The following CAMK2A variants were observed in gnomAD, a reference collection of about 807,000 sequenced individuals.
CAMK2A encodes the protein calcium/calmodulin-dependent protein kinase type II subunit alpha.
In CAMK2A, 7 loss-of-function variants were observed where a neutral mutation model predicts 79.2. The ratio of observed to expected loss-of-function variants is 0.09; its 90% CI spans 0.05 to 0.17. The LOEUF is 0.17. Among genes scored for constraint, CAMK2A ranks in the 10% least tolerant of loss-of-function variants. CAMK2A has a pLI of 1.00. For synonymous variants in CAMK2A, 242 were observed against 251.7 expected (o/e 0.96, Z 0.36); for missense variants, 214 against 646.4 (o/e 0.33, Z 7.25).
At chr5:150,254,141 G>A (rs1438161490) in intron 6 of CAMK2A, among the ~76,000 whole-genome samples, 3 of 152,110 alleles carry the variant, frequency 2.0e-5, no homozygotes, top group Non-Finnish European at 2.9e-5. Flanking sequence ...CCATGGAGGA[G>A]GCCATCCAAG....
In CAMK2A at chr5:150,253,550, G is replaced by C; in HGVS notation, c.412-4C>G. On this transcript the variant is annotated splice_region_variant and splice_polypyrimidine_tract_variant and intron_variant, in intron 6 of 18. Transcript: ENST00000671881. ...AGGCCAGCAACAGATTCTCAGGCTTGTCAGGACCAGAGAAGAGGGAGGAAG... is the reference window on the plus strand; with the variant it reads ...AGGCCAGCAACAGATTCTCAGGCTTCTCAGGACCAGAGAAGAGGGAGGAAG... 6.2e-7 allele frequency: 1 copy of C among 1,612,148 alleles called. No individual in the cohort carries two copies. The highest frequency in any genetic ancestry group is 1.3e-5 in the African/African-American group (1 of 75,032).
At chr5:150,247,850 G>A in intron 11 of CAMK2A, 36 bp from the exon 12 acceptor site, 1 of 1,596,256 alleles carries the variant, frequency 6.3e-7, no homozygotes. Context: ...GGGAGAGGAG[G>A]CCGGAGTGAA....
intron 2 of CAMK2A, among the ~76,000 whole-genome samples, chr5:150,270,812 G>T (rs1756717276): frequency 6.6e-6 from 1 of 152,258 alleles, no homozygotes; most frequent in Non-Finnish European, 1.5e-5. Flanking sequence ...AGGCGGTTTG[G>T]ACAGTGACTG....
intron 13 of CAMK2A, among the ~76,000 whole-genome samples, chr5:150,244,439 G>T (rs148554073): frequency 0.015 from 2,333 of 152,384 alleles, 60 homozygotes; most frequent in African/African-American, 0.053. Context: ...CCAGAAAAAG[G>T]CAGGGTCTCA....
chr5:150,278,770 C>A (rs1031954600), intron 1 of CAMK2A, among the ~76,000 whole-genome samples: 1 of 151,910 alleles, frequency 6.6e-6, no homozygotes, highest in Non-Finnish European at 1.5e-5. Context: ...GTGCAAGGGG[C>A]GGGTGTCTGG....
chr5:150,257,483 G>A, intron 4 of CAMK2A, 80 bp downstream of exon 4: 2 of 1,242,816 alleles, frequency 1.6e-6, no homozygotes, highest in Non-Finnish European at 2.3e-6. Flanking sequence ...AGGGAATTCA[G>A]CCCAAGAGGT....
chr5:150,281,109 C>T (rs900954805), intron 1 of CAMK2A, among the ~76,000 whole-genome samples: 2 of 152,162 alleles, frequency 1.3e-5, no homozygotes, highest in African/African-American at 2.4e-5. Context: ...ACTCTAGCCC[C>T]GTATTTTTAG....
chr5:150,248,512 T>A lies in CAMK2A; in HGVS notation c.901-698A>T, dbSNP rs1187803660. Among the ~76,000 whole-genome samples the A allele has an allele frequency of 6.1e-3, 693 of 114,102 alleles. 8 individuals carry two copies. The highest frequency in any genetic ancestry group is 0.022 in the African/African-American group (647 of 29,500). 74.9% of individuals were successfully genotyped at this position (114,102 alleles called of 152,430 possible). On this transcript the variant is annotated intron_variant, in intron 11 of 18. Transcript: ENST00000671881. ...CCCCCCACCCCACAACAGGCCCCGG[T>A]GTGTGATGTTCCCCTTCCTGTGTCC...
In CAMK2A at chr5:150,219,884, T is replaced by TATTATTATTATC. The variant is rs376082789; in HGVS notation, c.*2825_*2826insGATAATAATAAT. 1.4e-5 allele frequency: 2 copies of TATTATTATTATC among 148,114 alleles called. No homozygotes were observed. Among genetic ancestry groups the TATTATTATTATC allele is most frequent in the Non-Finnish European group, 3.0e-5 (2 of 66,466 alleles). The allele number at this position is 148,114 out of a possible 1,614,324, so 9.2% of individuals were successfully genotyped here. A position where few individuals can be genotyped will look rare whatever the true frequency, so the allele number is the denominator to read the frequency against. The stretch of plus-strand genomic sequence containing the variant: ...TTATTTATTTATTTATTATTATTAT[T>TATTATTATTATC]ATTATTATTTTGCATCTAAAGGATG... On this transcript the variant is annotated 3_prime_UTR_variant, in exon 19 of 19. Coordinates refer to ENST00000671881, the MANE Select transcript of CAMK2A (RefSeq NM_015981.4).
chr5:150,257,622 G>T lies in CAMK2A; in HGVS notation c.218-5C>A. ...AGATGCTGTCATGTAGTCGGACTGT[G>T]GGCGGGGCAAGGCAGTTGGTTACAG... is the stretch of plus-strand genomic sequence containing the variant. On this transcript the variant is annotated splice_polypyrimidine_tract_variant and splice_region_variant and intron_variant, in intron 3 of 18. Transcript: ENST00000671881. 6.4e-7 allele frequency: 1 copy of T among 1,565,114 alleles called. No individual in the cohort carries two copies. Among genetic ancestry groups the T allele is most frequent in the Non-Finnish European group, 8.7e-7 (1 of 1,154,840 alleles).
chr5:150,228,365 G>T, intron 16 of CAMK2A, 79 bp from the exon 17 acceptor site: 1 of 954,466 alleles, frequency 1.0e-6, no homozygotes, highest in Non-Finnish European at 1.6e-6. Flanking sequence ...TGTGAAATAG[G>T]AATGATTGCA....
intron 16 of CAMK2A, among the ~76,000 whole-genome samples, chr5:150,230,009 T>C (rs1754770112): frequency 6.6e-6 from 1 of 152,028 alleles, no homozygotes. Flanking sequence ...CTGAAAACTC[T>C]CCCACAATTA....
chr5:150,258,307 C>T (rs1756148183), intron 3 of CAMK2A, among the ~76,000 whole-genome samples: 1 of 152,206 alleles, frequency 6.6e-6, no homozygotes, highest in African/African-American at 2.4e-5. Flanking sequence ...AGTCCTGGGG[C>T]TGACTCTGGG....
intron 3 of CAMK2A, among the ~76,000 whole-genome samples, chr5:150,259,179 C>CA (rs1430839740): frequency 2.7e-5 from 4 of 150,258 alleles, no homozygotes; most frequent in Non-Finnish European, 4.4e-5. Context: ...CACTCCATCT[C>CA]AAAAAAATAA....
intron 1 of CAMK2A, among the ~76,000 whole-genome samples, 159 bp from the exon 2 acceptor site, chr5:150,273,318 C>T (rs539157142): frequency 2.0e-5 from 3 of 152,052 alleles, no homozygotes; most frequent in East Asian, 1.9e-4. Context: ...AGGGACACAG[C>T]GAGGCCAGAG....
At chr5:150,257,666 A>G in intron 3 of CAMK2A, 49 bp from the exon 4 acceptor site, 1 of 1,438,784 alleles carries the variant, frequency 7.0e-7, no homozygotes, top group Non-Finnish European at 9.6e-7. Context: ...ACTGCTGCAC[A>G]GGCCCGCCCT....
intron 3 of CAMK2A, 137 bp downstream of exon 3, chr5:150,264,819 C>T: frequency 1.5e-6 from 1 of 685,924 alleles, no homozygotes. Flanking sequence ...AAGACGCCCC[C>T]TTTCCCATCT....
intron 12 of CAMK2A, among the ~76,000 whole-genome samples, chr5:150,245,977 T>A (rs1755551735): frequency 6.6e-6 from 1 of 152,264 alleles, no homozygotes; most frequent in African/African-American, 2.4e-5. Context: ...ATCCGGCTGC[T>A]TCAGACTTAA....
rs558645371 is a variant in CAMK2A at position 150,289,632 on chromosome 5, G to A, written c.-7C>T. On this transcript the variant is annotated 5_prime_UTR_variant, in exon 1 of 19. Transcript: ENST00000671881. ...TGCAGGTGATGGTGGCCATCCTGGC[G>A]CTGGGCAGGCAGGTGAGGCTTGGGA... is the stretch of plus-strand genomic sequence containing the variant. 4.0e-5 allele frequency: 65 copies of A among 1,612,888 alleles called. No individual in the cohort carries two copies. Among genetic ancestry groups the A allele is most frequent in the South Asian group, 2.6e-4 (24 of 91,026 alleles).
Sources: gnomAD v4.1 joint callset for allele counts (sites outside exome capture counted in the v4.1 genomes callset) on GRCh38, gnomAD v4.1.1 for gene constraint, MANE v1.5 for transcripts, NCBI Gene and HGNC (gene_info 2026-07-23, HGNC 2026-07-21) for gene names.